The following TAOK1 variants were observed in gnomAD, a reference collection of about 807,000 sequenced individuals.
The protein encoded by TAOK1 is TAO kinase 1, also known as serine/threonine-protein kinase TAO1.
A neutral mutation model predicts 138.3 loss-of-function variants in TAOK1; 21 were observed. The observed-to-expected ratio is 0.15, with a 90% confidence interval of 0.11 to 0.22. TAOK1 has a LOEUF of 0.22. Ranked by LOEUF, TAOK1 falls within the 10% of genes least tolerant of loss-of-function variation. The pLI is 1.00. For synonymous variants in TAOK1, 361 were observed against 398.4 expected (o/e 0.91, Z 1.12); for missense variants, 651 against 1,227.7 (o/e 0.53, Z 7.02).
rs764979941 is a variant in TAOK1 at position 29,431,168 on chromosome 17, T to A, written c.-94-20287T>A. Among the ~76,000 whole-genome samples, 100 of 152,158 alleles carry A rather than the reference T, an allele frequency of 6.6e-4. 1 individual carries two copies. Among genetic ancestry groups the A allele is most frequent in the Non-Finnish European group, 1.3e-3 (88 of 68,022 alleles). ...AGTCCAAAACAATGACCTCCCAGAATTTTGTTTAAAAAAACTCCCCCTTTT... is the reference window on the plus strand; with the variant it reads ...AGTCCAAAACAATGACCTCCCAGAAATTTGTTTAAAAAAACTCCCCCTTTT... On this transcript the variant is annotated intron_variant, in intron 1 of 19. Coordinates refer to ENST00000261716, the MANE Select transcript of TAOK1 (RefSeq NM_020791.4).
chr17:29,425,351 G>A (rs945708932), intron 1 of TAOK1, among the ~76,000 whole-genome samples: 5 of 152,126 alleles, frequency 3.3e-5, no homozygotes, highest in African/African-American at 9.7e-5. Flanking sequence ...GGGATTGCAG[G>A]TGGGAGCCAC....
intron 1 of TAOK1, among the ~76,000 whole-genome samples, chr17:29,431,101 T>C (rs1487897550): frequency 6.6e-6 from 1 of 152,180 alleles, no homozygotes; most frequent in Non-Finnish European, 1.5e-5. Context: ...GCACAAGTGA[T>C]TCCATTTTGG....
Position 29,546,036 on chromosome 17 carries a change from C to T in TAOK1, c.*3014C>T, listed in dbSNP as rs560035421. 3 of 152,226 alleles carry T rather than the reference C, an allele frequency of 2.0e-5. No homozygotes were observed. The highest frequency in any genetic ancestry group is 4.4e-5 in the Non-Finnish European group (3 of 67,974). The allele number at this position is 152,226 out of a possible 1,614,324, so 9.4% of individuals were successfully genotyped here. The stretch of plus-strand genomic sequence containing the variant: ...ATATTATTCCAAATTGAGCTCCCTT[C>T]CCTTTGCACATATTTTTTCCTCCCC... On this transcript the variant is annotated 3_prime_UTR_variant, in exon 20 of 20. Coordinates refer to ENST00000261716, the MANE Select transcript of TAOK1 (RefSeq NM_020791.4).
intron 1 of TAOK1, among the ~76,000 whole-genome samples, chr17:29,429,423 C>T (rs768984255): frequency 8.6e-5 from 13 of 151,758 alleles, no homozygotes; most frequent in Admixed American, 2.0e-4. Flanking sequence ...TACAGGTGCA[C>T]GCCACCAGGA....
intron 1 of TAOK1, among the ~76,000 whole-genome samples, chr17:29,409,981 A>G (rs1324029381): frequency 6.6e-6 from 1 of 152,126 alleles, no homozygotes; most frequent in Non-Finnish European, 1.5e-5. Flanking sequence ...GAAGCACTCT[A>G]TCTGTAAAAG....
intron 6 of TAOK1, among the ~76,000 whole-genome samples, chr17:29,479,533 G>T (rs867092544): frequency 7.2e-5 from 11 of 152,106 alleles, no homozygotes; most frequent in African/African-American, 2.4e-4. Flanking sequence ...TAGTAAATAA[G>T]TGAGTGCCAT....
intron 11 of TAOK1, among the ~76,000 whole-genome samples, chr17:29,495,957 C>T (rs1426245678): frequency 6.6e-6 from 1 of 152,050 alleles, no homozygotes; most frequent in Non-Finnish European, 1.5e-5. Context: ...TGTTAGATTG[C>T]ATGCTCTAAA....
At position 29,451,608 on chromosome 17, in the gene TAOK1, C is replaced by T; in HGVS notation, c.60C>T (p.Phe20=). ...LKDPEIAELF[F]KEDPEKLFTD... is the part of the protein sequence containing the mutation. Reference sequence around the variant, plus strand: ...ACCCTGAAATTGCAGAGCTCTTCTTCAAAGAAGATCCAGAGAAGCTCTTCA... The same window carrying T: ...ACCCTGAAATTGCAGAGCTCTTCTTTAAAGAAGATCCAGAGAAGCTCTTCA... Residue 20 remains phenylalanine, a synonymous_variant, in exon 2 of 20, where the codon TTC becomes TTT. Coordinates refer to ENST00000261716, the MANE Select transcript of TAOK1 (RefSeq NM_020791.4). The T allele has an allele frequency of 6.2e-7, 1 of 1,613,868 alleles. No homozygotes were observed. The highest frequency in any genetic ancestry group is 1.3e-5 in the African/African-American group (1 of 75,012).
intron 13 of TAOK1, 151 bp downstream of exon 13, chr17:29,502,874 T>A: frequency 1.2e-6 from 1 of 865,176 alleles, no homozygotes; most frequent in Non-Finnish European, 1.7e-6. Flanking sequence ...AGAAAGATGT[T>A]ATTCAAAGAA....
chr17:29,397,711 A>T (rs550812072), intron 1 of TAOK1, among the ~76,000 whole-genome samples: 272 of 62,864 alleles, frequency 4.3e-3, no homozygotes, highest in Non-Finnish European at 6.4e-3. Context: ...GCATACATGA[A>T]TATACATGTA....
chr17:29,452,863 ATTTG>A (rs540289831), intron 2 of TAOK1, among the ~76,000 whole-genome samples: 71 of 152,262 alleles, frequency 4.7e-4, no homozygotes, highest in African/African-American at 1.6e-3. Context: ...TTAAACCATA[ATTTG>A]TTTATCTATA....
intron 1 of TAOK1, among the ~76,000 whole-genome samples, chr17:29,450,644 C>G (rs989782763): frequency 4.6e-5 from 7 of 152,054 alleles, no homozygotes; most frequent in African/African-American, 1.7e-4. Flanking sequence ...CCAAAGTAGC[C>G]AGGACTATAA....
intron 2 of TAOK1, among the ~76,000 whole-genome samples, chr17:29,462,549 G>A (rs2030555365): frequency 1.3e-5 from 2 of 152,100 alleles, no homozygotes; most frequent in Admixed American, 6.6e-5. Context: ...TTCTTGAAAC[G>A]GGATGTAATA....
chr17:29,436,614 A>G (rs1266538574), intron 1 of TAOK1, among the ~76,000 whole-genome samples: 1 of 152,236 alleles, frequency 6.6e-6, no homozygotes, highest in East Asian at 1.9e-4. Flanking sequence ...TGTCAGGGTA[A>G]TTATAGTCAG....
intron 1 of TAOK1, among the ~76,000 whole-genome samples, chr17:29,449,730 A>G (rs989309265): frequency 2.0e-5 from 3 of 152,012 alleles, no homozygotes; most frequent in East Asian, 1.9e-4. Flanking sequence ...AGTCCCAGCT[A>G]CTTGGGAGGC....
intron 1 of TAOK1, among the ~76,000 whole-genome samples, chr17:29,409,333 A>ATTTTT (rs869195465): frequency 2.2e-4 from 13 of 59,056 alleles, no homozygotes; most frequent in Admixed American, 4.2e-4. Context: ...ATATATATAT[A>ATTTTT]TTTTTTTTTT....
intron 4 of TAOK1, among the ~76,000 whole-genome samples, chr17:29,477,433 CTT>C (rs1443768352): frequency 6.6e-6 from 1 of 151,676 alleles, no homozygotes; most frequent in Non-Finnish European, 1.5e-5. Context: ...ATTGGCTTGA[CTT>C]TATGCATTTA....
At chr17:29,518,360 C>G (rs2153030475) in intron 16 of TAOK1, among the ~76,000 whole-genome samples, 1 of 152,292 alleles carries the variant, frequency 6.6e-6, no homozygotes, top group South Asian at 2.1e-4. Flanking sequence ...TGGTGTGCAC[C>G]TGTAGTGCCA....
intron 12 of TAOK1, among the ~76,000 whole-genome samples, chr17:29,499,390 C>T (rs906154072): frequency 2.0e-5 from 3 of 151,706 alleles, no homozygotes; most frequent in Non-Finnish European, 4.4e-5. Flanking sequence ...TGCCACCCTG[C>T]CTGGCTAATT....
Sources: gnomAD v4.1 joint callset for allele counts (sites outside exome capture counted in the v4.1 genomes callset) on GRCh38, gnomAD v4.1.1 for gene constraint, MANE v1.5 for transcripts, NCBI Gene and HGNC (gene_info 2026-07-23, HGNC 2026-07-21) for gene names.